ZNF7: variants seen among roughly 807,000 people sequenced by gnomAD.
ZNF7 encodes zinc finger protein 7.
Under a neutral mutation model 12.0 loss-of-function variants are expected in ZNF7, and 10 were observed. The observed-to-expected ratio is 0.83, with a 90% CI of 0.51 to 1.42. ZNF7 has a LOEUF of 1.42. Among genes scored for constraint, ZNF7 ranks in the 40% most tolerant of loss-of-function variants. The pLI is 0.00. For synonymous variants in ZNF7, 334 were observed against 295.0 expected, an observed-to-expected ratio of 1.13 and a Z score of -1.35; for missense variants, 854 against 837.2, an observed-to-expected ratio of 1.02 and a Z score of -0.25.
chr8:144,829,728 T>G, intron 3 of ZNF7, 124 bp downstream of exon 3: 1 of 1,313,208 alleles, frequency 7.6e-7, no homozygotes. Flanking sequence ...CACAGGGGGC[T>G]TGGACTCATG....
chr8:144,841,393 GA>G lies in ZNF7; in HGVS notation c.287del (p.Asp96AlafsTer5). On this transcript the variant is annotated frameshift_variant, in exon 5 of 5. Transcript: ENST00000532777. LOFTEE classifies it low-confidence loss of function (END_TRUNC). The part of the protein sequence containing the change: ...IRTENEQACE[D>X]MDILKSESYG... ...GACTGAAAATGAGCAGGCCTGTGAGGACATGGACATCCTAAAATCAGAATCC... is the reference window on the plus strand; with the variant it reads ...GACTGAAAATGAGCAGGCCTGTGAGGCATGGACATCCTAAAATCAGAATCC... The G allele has an allele frequency of 6.2e-7, 1 of 1,612,782 alleles. No homozygotes were observed.
rs1249639727 is a variant in ZNF7 at position 144,827,574 on chromosome 8, C to T, written c.-81C>T. 4 of 985,580 alleles carry T rather than the reference C, an allele frequency of 4.1e-6. No individual in the cohort carries two copies. Among genetic ancestry groups the T allele is most frequent in the African/African-American group, 1.7e-5 (1 of 57,232 alleles). The allele number at this position is 985,580 out of a possible 1,614,324, so 61.1% of individuals were successfully genotyped here. On this transcript the variant is annotated 5_prime_UTR_variant, in exon 1 of 5. Coordinates refer to ENST00000532777, the MANE Select transcript of ZNF7 (RefSeq NM_003416.4). ...GGCCAAGGCCCGTTTCCGGCGGCGTCGCGCGTTTGCGAGCCTCGGGTGGTC... is the reference window on the plus strand; with the variant it reads ...GGCCAAGGCCCGTTTCCGGCGGCGTTGCGCGTTTGCGAGCCTCGGGTGGTC...
At chr8:144,832,411 A>G (rs1828544477) in intron 3 of ZNF7, among the ~76,000 whole-genome samples, 2 of 41,838 alleles carry the variant, frequency 4.8e-5, no homozygotes, top group South Asian at 1.4e-3. Flanking sequence ...TGACAGAGCG[A>G]GACTCTATCT....
intron 4 of ZNF7, 183 bp from the exon 5 acceptor site, chr8:144,841,168 TAAAA>T: frequency 1.6e-6 from 1 of 644,256 alleles, no homozygotes; most frequent in African/African-American, 1.8e-5. Flanking sequence ...GTGAACAAGG[TAAAA>T]AGTATGAAAC....
intron 4 of ZNF7, among the ~76,000 whole-genome samples, chr8:144,839,797 C>A (rs1357378886): frequency 1.3e-5 from 2 of 152,168 alleles, no homozygotes; most frequent in African/African-American, 4.8e-5. Flanking sequence ...AAGATATTGG[C>A]CCAGAGCAGT....
intron 1 of ZNF7, 59 bp from the exon 2 acceptor site, chr8:144,828,984 T>G (rs891931271): frequency 6.3e-7 from 1 of 1,583,780 alleles, no homozygotes; most frequent in African/African-American, 1.4e-5. Flanking sequence ...CCCCCTTGAT[T>G]AGCCTGGAAG....
In ZNF7 at chr8:144,841,511, A is replaced by G; in HGVS notation, c.404A>G (p.His135Arg). ...VSDSEVWLDS[H>R]LGSPGLKVTG... ...GATTCTGAGGTCTGGTTAGACAGTC[A>G]TCTGGGCAGTCCCGGGCTGAAAGTG... Residue 135 changes from histidine (H) to arginine (R), a missense_variant, in exon 5 of 5, where the codon CAT becomes CGT. His to Arg is a conservative substitution (Grantham distance 29). Transcript: ENST00000532777. 1 of 1,614,212 alleles carries G rather than the reference A, an allele frequency of 6.2e-7. No individual in the cohort carries two copies. Among genetic ancestry groups the G allele is most frequent in the Non-Finnish European group, 8.5e-7 (1 of 1,180,042 alleles).
In ZNF7 at chr8:144,841,581, G is replaced by A. The variant is rs149778887; in HGVS notation, c.474G>A (p.Val158=). The A allele has an allele frequency of 1.9e-5, 30 of 1,614,176 alleles. No homozygotes were observed. In the African/African-American group the frequency reaches 3.3e-4, roughly 18 times the overall value. The stretch of plus-strand genomic sequence containing the variant: ...ATAACTGTTTGAATGAGGAGACTGT[G>A]GTTCCCAAGACCTTCACCAAGGACG... The part of the protein sequence containing the change: ...FQNNCLNEET[V]VPKTFTKDAP... The change falls in exon 5 of 5, where the codon GTG becomes GTA. Residue 158 remains valine, a synonymous_variant. Coordinates refer to ENST00000532777, the MANE Select transcript of ZNF7 (RefSeq NM_003416.4).
At chr8:144,828,322 G>T (rs1356722339) in intron 1 of ZNF7, among the ~76,000 whole-genome samples, 5 of 152,182 alleles carry the variant, frequency 3.3e-5, no homozygotes, top group African/African-American at 1.2e-4. Flanking sequence ...GTTCCATCCT[G>T]GCGACAGGTG....
At position 144,842,978 on chromosome 8, in the gene ZNF7, G is replaced by A. The variant is rs757438179; in HGVS notation, c.1871G>A (p.Arg624His). 37 of 1,614,062 alleles carry A rather than the reference G, an allele frequency of 2.3e-5. No individual in the cohort carries two copies. Among genetic ancestry groups the A allele is most frequent in the African/African-American group, 8.0e-5 (6 of 74,916 alleles). Reference sequence around the variant, plus strand: ...CTGGAAGGGTCCACCTTTGTGAGCCGTAAAAAGGTTAATACTATAAAGAAA... The same window carrying A: ...CTGGAAGGGTCCACCTTTGTGAGCCATAAAAAGGTTAATACTATAAAGAAA... ...NALEGSTFVS[R>H]KKVNTIKKLH... The change falls in exon 5 of 5, where the codon CGT becomes CAT. Residue 624 changes from arginine to histidine, a missense_variant. Transcript: ENST00000532777.
chr8:144,845,038 T>G (rs1001612858), downstream of ZNF7, among the ~76,000 whole-genome samples: 37 of 151,950 alleles, frequency 2.4e-4, no homozygotes, highest in Non-Finnish European at 4.1e-4. Flanking sequence ...AGGGGCAGGG[T>G]CAGGGAGGAG....
At chr8:144,828,120 G>A (rs1210012598) in intron 1 of ZNF7, 1 of 152,270 alleles carries the variant, frequency 6.6e-6, no homozygotes, top group Non-Finnish European at 1.5e-5. Flanking sequence ...GGAGCCAGGT[G>A]GGGGGATCAG....
At chr8:144,827,801 C>A in intron 1 of ZNF7, 192 bp downstream of exon 1, 1 of 609,576 alleles carries the variant, frequency 1.6e-6, no homozygotes, top group Non-Finnish European at 2.1e-6. Context: ...CCCTCCCCCG[C>A]GGCGGCGCGA....
At chr8:144,844,271 C>A (rs1830353101), downstream of ZNF7, among the ~76,000 whole-genome samples, 1 of 152,188 alleles carries the variant, frequency 6.6e-6, no homozygotes, top group African/African-American at 2.4e-5. Flanking sequence ...ATGCAAGTAC[C>A]AACCCCCCCA....
intron 4 of ZNF7, chr8:144,838,128 T>G: frequency 1.4e-6 from 1 of 702,988 alleles, no homozygotes; most frequent in African/African-American, 1.7e-5. Context: ...CTGGCAGTCC[T>G]TGGGTTCCTT....
rs1563848823 is a variant in ZNF7, at chr8:144,843,444, TG to T, written c.*279del. On this transcript the variant is annotated 3_prime_UTR_variant, in exon 5 of 5. Transcript: ENST00000532777. ...TCTACTAAAAATACAAAAATTTAGC[TG>T]GGCGTGGTGGCAGGCACCTGTGGTC... 7.6e-6 allele frequency: 2 copies of T among 262,198 alleles called. No homozygotes were observed. The highest frequency in any genetic ancestry group is 1.4e-5 in the Non-Finnish European group (2 of 139,264). 16.2% of individuals were successfully genotyped at this position (262,198 alleles called of 1,614,324 possible).
At chr8:144,845,863 T>C, downstream of ZNF7, 2 of 984,606 alleles carry the variant, frequency 2.0e-6, no homozygotes, top group Non-Finnish European at 3.0e-6. Flanking sequence ...ATGTGTGCAG[T>C]GTCCCTGCCT....
At chr8:144,832,719 C>T (rs1396015964) in intron 3 of ZNF7, among the ~76,000 whole-genome samples, 1 of 152,160 alleles carries the variant, frequency 6.6e-6, no homozygotes, top group Non-Finnish European at 1.5e-5. Flanking sequence ...CAGAGTGAGA[C>T]TCCGTCTCAA....
In ZNF7 at chr8:144,829,609, G is replaced by A; in HGVS notation, c.130+5G>A. Reference sequence around the variant, plus strand: ...ACAGCAGTGTGGCTGGACTAGGTGAGGCTGCACCTTGGGGCCCCTTCCCCT... The same window carrying A: ...ACAGCAGTGTGGCTGGACTAGGTGAAGCTGCACCTTGGGGCCCCTTCCCCT... On this transcript the variant is annotated splice_donor_5th_base_variant and intron_variant, in intron 3 of 4. Transcript: ENST00000532777. The A allele has an allele frequency of 1.9e-6, 3 of 1,602,000 alleles. No homozygotes were observed. Among genetic ancestry groups the A allele is most frequent in the Non-Finnish European group, 2.6e-6 (3 of 1,171,186 alleles).
Sources: allele counts gnomAD v4.1 joint callset (sites outside exome capture counted in the v4.1 genomes callset), GRCh38; gene constraint gnomAD v4.1.1; transcripts MANE v1.5; gene names NCBI Gene and HGNC (gene_info 2026-07-23, HGNC 2026-07-21).